TBC1D21: variants seen among roughly 807,000 people sequenced by gnomAD.
TBC1D21 encodes male germ cell Rab GTPase-activating protein.
Under a neutral mutation model 46.0 loss-of-function variants are expected in TBC1D21, and 38 were observed. That is an observed-to-expected ratio of 0.83 (90% CI 0.64 to 1.08). The LOEUF (loss-of-function observed/expected upper bound fraction) is 1.08, where lower values mean the gene tolerates loss of function less well. Ranked by LOEUF, TBC1D21 falls within the 50% of genes least tolerant of loss-of-function variation. The pLI is 0.00. For synonymous variants in TBC1D21, 151 were observed against 157.2 expected (o/e 0.96, Z 0.29); for missense variants, 415 against 417.9 (o/e 0.99, Z 0.06).
the TBC1D21 span, among the ~76,000 whole-genome samples, chr15:73,907,081 C>T: frequency 4.6e-5 from 7 of 152,110 alleles, no homozygotes; most frequent in Non-Finnish European, 1.0e-4. Flanking sequence ...CTCTCTTTCT[C>T]TCTCATTTCC....
At chr15:73,883,485 C>A (rs994953797) in intron 3 of TBC1D21, among the ~76,000 whole-genome samples, 1 of 152,212 alleles carries the variant, frequency 6.6e-6, no homozygotes, top group Non-Finnish European at 1.5e-5. Flanking sequence ...CTGGTGGCTG[C>A]CTCACTCCAT....
At chr15:73,881,603 T>G (rs773178883) in intron 2 of TBC1D21, 41 bp from the exon 3 acceptor site, 7 of 1,604,154 alleles carry the variant, frequency 4.4e-6, no homozygotes, top group Non-Finnish European at 6.0e-6. Context: ...TTGGTAGGCA[T>G]CGATAGAGCC....
rs766956401 is a variant in TBC1D21 at position 73,888,447 on chromosome 15, C to T, written c.912C>T (p.Ile304=). 1.1e-5 allele frequency: 18 copies of T among 1,613,824 alleles called. No homozygotes were observed. Among genetic ancestry groups the T allele is most frequent in the East Asian group, 2.2e-5 (1 of 44,868 alleles). ...DDILLACNNL[I]DLDADELISA... ...CCATGCAGGCCTGCAACAACCTCAT[C>T]GACCTTGATGCTGATGAGCTGATCT... Residue 304 remains isoleucine, a synonymous_variant, in exon 10 of 11, where the codon ATC becomes ATT. Transcript: ENST00000300504.
chr15:73,898,881 ATATATAT>A, the TBC1D21 span, among the ~76,000 whole-genome samples: 8 of 54,354 alleles, frequency 1.5e-4, no homozygotes, highest in Non-Finnish European at 2.5e-4. Context: ...AAAAAAAAAA[ATATATAT>A]ATATATATAT....
the TBC1D21 span, among the ~76,000 whole-genome samples, chr15:73,899,570 C>T: frequency 6.6e-6 from 1 of 152,186 alleles, no homozygotes; most frequent in Non-Finnish European, 1.5e-5. Context: ...AGGCAACAGT[C>T]TGGCCAAGGG....
chr15:73,893,482 C>T (rs2068352909), downstream of TBC1D21, among the ~76,000 whole-genome samples: 2 of 152,212 alleles, frequency 1.3e-5, no homozygotes, highest in South Asian at 2.1e-4. Flanking sequence ...CTCTCTTTCA[C>T]TCTTCTTCTA....
chr15:73,906,643 C>T, the TBC1D21 span, among the ~76,000 whole-genome samples: 1 of 152,152 alleles, frequency 6.6e-6, no homozygotes, highest in South Asian at 2.1e-4. Flanking sequence ...AAGCCCAAGT[C>T]CATCCAGGGC....
At position 73,884,257 on chromosome 15, in the gene TBC1D21, G is replaced by T. The variant is rs766776124; in HGVS notation, c.367+12G>T. On this transcript the variant is annotated intron_variant, in intron 4 of 10. Coordinates refer to ENST00000300504, the MANE Select transcript of TBC1D21 (RefSeq NM_153356.3). ...TCGCAATAACATTGGTGAGCAAAGT[G>T]GGGTGGAGAGGGCTGGGCAGAGGGA... The T allele has an allele frequency of 6.2e-7, 1 of 1,612,832 alleles. No homozygotes were observed. Among genetic ancestry groups the T allele is most frequent in the Admixed American group, 1.7e-5 (1 of 60,028 alleles).
downstream of TBC1D21, among the ~76,000 whole-genome samples, chr15:73,889,602 A>AT (rs1192441638): frequency 2.0e-5 from 3 of 152,018 alleles, no homozygotes; most frequent in Admixed American, 2.0e-4. Flanking sequence ...CAATTAAGTC[A>AT]TTTTTTCCAG....
intron 4 of TBC1D21, among the ~76,000 whole-genome samples, 191 bp from the exon 5 acceptor site, chr15:73,884,590 G>A (rs762070877): frequency 7.2e-5 from 11 of 152,206 alleles, no homozygotes; most frequent in Non-Finnish European, 1.6e-4. Context: ...GAGGGTTGGA[G>A]GTGGGAAGAA....
chr15:73,883,929 A>T (rs1474724425), intron 3 of TBC1D21, among the ~76,000 whole-genome samples: 1 of 152,194 alleles, frequency 6.6e-6, no homozygotes, highest in Non-Finnish European at 1.5e-5. Flanking sequence ...TGGAGTACAG[A>T]GCCCAAGAAG....
chr15:73,874,869 A>G (rs1430985315), intron 1 of TBC1D21, among the ~76,000 whole-genome samples: 1 of 152,138 alleles, frequency 6.6e-6, no homozygotes, highest in Non-Finnish European at 1.5e-5. Context: ...TACACCCTCC[A>G]CACCTGGGTT....
the TBC1D21 span, among the ~76,000 whole-genome samples, chr15:73,895,039 A>G: frequency 2.0e-5 from 3 of 152,184 alleles, no homozygotes; most frequent in African/African-American, 4.8e-5. Context: ...CTGGGTGCAC[A>G]TTAGAATCAC....
chr15:73,879,874 CTGTTGT>C (rs5813727), intron 1 of TBC1D21, among the ~76,000 whole-genome samples: 52 of 149,852 alleles, frequency 3.5e-4, no homozygotes, highest in Admixed American at 1.0e-3. Flanking sequence ...ACCCTCACTC[CTGTTGT>C]TGTTGTTGTT....
At chr15:73,875,924 C>G (rs1407039867) in intron 1 of TBC1D21, among the ~76,000 whole-genome samples, 2 of 152,198 alleles carry the variant, frequency 1.3e-5, no homozygotes, top group Admixed American at 1.3e-4. Flanking sequence ...TTGACAATCT[C>G]CGTCACATTA....
chr15:73,882,281 C>G (rs2068169855), intron 3 of TBC1D21, among the ~76,000 whole-genome samples: 1 of 152,178 alleles, frequency 6.6e-6, no homozygotes, highest in Non-Finnish European at 1.5e-5. Flanking sequence ...AGCACATCTT[C>G]TCTTCCAAAA....
the TBC1D21 span, among the ~76,000 whole-genome samples, chr15:73,905,276 T>A: frequency 6.6e-6 from 1 of 152,254 alleles, no homozygotes; most frequent in African/African-American, 2.4e-5. Context: ...GTCCAATTAC[T>A]CACATGACAC....
intron 8 of TBC1D21, 127 bp downstream of exon 8, chr15:73,886,739 A>G (rs955414003): frequency 9.4e-6 from 8 of 851,298 alleles, no homozygotes; most frequent in African/African-American, 1.7e-5. Context: ...GGGTTTTGTT[A>G]GGTCAGCAAC....
At chr15:73,881,981 C>A (rs529062724) in intron 3 of TBC1D21, among the ~76,000 whole-genome samples, 1 of 152,248 alleles carries the variant, frequency 6.6e-6, no homozygotes, top group South Asian at 2.1e-4. Context: ...TTGGTCCCAG[C>A]CACTCCTCTT....
Sources: gnomAD v4.1 joint callset for allele counts (sites outside exome capture counted in the v4.1 genomes callset) on GRCh38, gnomAD v4.1.1 for gene constraint, MANE v1.5 for transcripts, NCBI Gene and HGNC (gene_info 2026-07-23, HGNC 2026-07-21) for gene names.